RAB38: variants seen among roughly 807,000 people sequenced by gnomAD.
RAB38 encodes ras-related protein Rab-38.
RAB38 carries 15 observed loss-of-function variants against 18.4 expected under a neutral mutation model. The ratio of observed to expected loss-of-function variants is 0.82; its 90% CI spans 0.55 to 1.26. The LOEUF is 1.26. Ranked by LOEUF, RAB38 falls within the 50% of genes most tolerant of loss-of-function variation. RAB38 has a pLI of 0.00. For synonymous variants in RAB38, 101 were observed against 104.4 expected (o/e 0.97, Z 0.20); for missense variants, 294 against 267.4 (o/e 1.10, Z -0.69).
chr11:88,162,241 A>G (rs1244025101), intron 1 of RAB38, among the ~76,000 whole-genome samples: 1 of 152,178 alleles, frequency 6.6e-6, no homozygotes, highest in Non-Finnish European at 1.5e-5. Context: ...CATCAAACCA[A>G]TGACAGAAAC....
chr11:87,871,260 C>T, the RAB38 span, among the ~76,000 whole-genome samples: 2 of 151,580 alleles, frequency 1.3e-5, no homozygotes, highest in Non-Finnish European at 3.0e-5. Context: ...AGACTGTGAT[C>T]CATTCCCAAC....
the RAB38 span, among the ~76,000 whole-genome samples, chr11:87,957,611 T>C: frequency 6.6e-6 from 1 of 152,188 alleles, no homozygotes; most frequent in Non-Finnish European, 1.5e-5. Context: ...TATGTGGCAT[T>C]CCTCTCTCAG....
intron 2 of RAB38, among the ~76,000 whole-genome samples, chr11:88,126,691 A>G (rs1412911327): frequency 1.3e-5 from 1 of 78,592 alleles, no homozygotes; most frequent in Admixed American, 1.5e-4. Flanking sequence ...CCTAAAACTT[A>G]AAGTATAATA....
chr11:87,834,454 T>G, the RAB38 span, among the ~76,000 whole-genome samples: 1 of 152,220 alleles, frequency 6.6e-6, no homozygotes, highest in Non-Finnish European at 1.5e-5. Flanking sequence ...GCGTTTGTTT[T>G]GATTTGCTGT....
chr11:87,875,439 G>C, the RAB38 span, among the ~76,000 whole-genome samples: 1 of 151,286 alleles, frequency 6.6e-6, no homozygotes, highest in Non-Finnish European at 1.5e-5. Flanking sequence ...TAAATAAAGA[G>C]ACTGTAGATG....
rs1015886451 is a variant in RAB38, at chr11:88,175,278, G to A, written c.107C>T (p.Ser36Leu). The A allele has an allele frequency of 6.2e-7, 1 of 1,614,162 alleles. No homozygotes were observed. Among genetic ancestry groups the A allele is most frequent in the Non-Finnish European group, 8.5e-7 (1 of 1,180,016 alleles). Residue 36 changes from serine (S) to leucine (L), a missense_variant, in exon 1 of 3, where the codon TCG becomes TTG. Transcript: ENST00000243662. ...CACGCCGATTGTGGCCCGGTAGTGC[G>A]AAGAGAAGTTCTGGTGCACGTAGCG... ...IKRYVHQNFS[S>L]HYRATIGVDF...
At chr11:88,088,110 A>G in the RAB38 span, among the ~76,000 whole-genome samples, 4 of 152,056 alleles carry the variant, frequency 2.6e-5, no homozygotes, top group African/African-American at 9.6e-5. Flanking sequence ...TTTCCATGTC[A>G]GCAGACAGGA....
At chr11:88,052,077 T>G in the RAB38 span, among the ~76,000 whole-genome samples, 2 of 152,210 alleles carry the variant, frequency 1.3e-5, no homozygotes, top group African/African-American at 4.8e-5. Flanking sequence ...GAGCTAAGAT[T>G]GCACCATTGC....
At chr11:87,965,050 T>C in the RAB38 span, among the ~76,000 whole-genome samples, 1 of 152,176 alleles carries the variant, frequency 6.6e-6, no homozygotes, top group Non-Finnish European at 1.5e-5. Flanking sequence ...GATTGTTTTG[T>C]GCATTATAGG....
chr11:87,825,109 T>C, the RAB38 span, among the ~76,000 whole-genome samples: 1 of 152,180 alleles, frequency 6.6e-6, no homozygotes, highest in African/African-American at 2.4e-5. Flanking sequence ...AATGGAGCCT[T>C]CTGGAAGACC....
At chr11:87,855,011 G>A in the RAB38 span, among the ~76,000 whole-genome samples, 2 of 152,046 alleles carry the variant, frequency 1.3e-5, no homozygotes, top group Non-Finnish European at 2.9e-5. Context: ...TAGCCAGGAT[G>A]GTCTCGATCT....
the RAB38 span, among the ~76,000 whole-genome samples, chr11:87,976,808 T>C: frequency 8.4e-6 from 1 of 118,524 alleles, no homozygotes; most frequent in Non-Finnish European, 1.6e-5. Flanking sequence ...TTATAATATA[T>C]TATATATTAT....
the RAB38 span, among the ~76,000 whole-genome samples, chr11:88,033,480 A>T: frequency 6.6e-6 from 1 of 152,134 alleles, no homozygotes; most frequent in Non-Finnish European, 1.5e-5. Context: ...TTCATGATTC[A>T]TTATCTATTT....
the RAB38 span, among the ~76,000 whole-genome samples, chr11:88,045,540 T>G: frequency 3.0e-4 from 46 of 152,314 alleles, no homozygotes; most frequent in Non-Finnish European, 5.3e-4. Flanking sequence ...GTCCCATCTG[T>G]GCAGGACCCC....
the RAB38 span, among the ~76,000 whole-genome samples, chr11:88,011,948 G>A: frequency 6.6e-6 from 1 of 152,158 alleles, no homozygotes; most frequent in Non-Finnish European, 1.5e-5. Flanking sequence ...GTGTTGTTCT[G>A]CTTTGCCAGA....
At chr11:87,973,726 AAG>A in the RAB38 span, among the ~76,000 whole-genome samples, 1 of 143,308 alleles carries the variant, frequency 7.0e-6, no homozygotes, top group Non-Finnish European at 1.6e-5. Flanking sequence ...TGAATCCCAA[AAG>A]AGAGAAGCTG....
At chr11:87,867,239 G>A in the RAB38 span, among the ~76,000 whole-genome samples, 3 of 151,728 alleles carry the variant, frequency 2.0e-5, no homozygotes, top group Non-Finnish European at 2.9e-5. Context: ...TTAGAGTTCA[G>A]TGGGCACCAT....
the RAB38 span, among the ~76,000 whole-genome samples, chr11:87,842,794 G>GCACA: frequency 1.5e-5 from 2 of 130,000 alleles, no homozygotes; most frequent in South Asian, 2.7e-4. Flanking sequence ...GCATGCGCAT[G>GCACA]CACACACACA....
chr11:87,826,296 CTTTAT>C, the RAB38 span, among the ~76,000 whole-genome samples: 1 of 151,924 alleles, frequency 6.6e-6, no homozygotes, highest in Non-Finnish European at 1.5e-5. Flanking sequence ...ACATTGCTTT[CTTTAT>C]TTTAGATTAT....
Sources: allele counts gnomAD v4.1 joint callset (sites outside exome capture counted in the v4.1 genomes callset), GRCh38; gene constraint gnomAD v4.1.1; transcripts MANE v1.5; gene names NCBI Gene and HGNC (gene_info 2026-07-23, HGNC 2026-07-21).